The following RAD51B variants were observed in gnomAD, a reference collection of about 807,000 sequenced individuals.
RAD51B encodes the protein RAD51 paralog B, also known as DNA repair protein RAD51 homolog 2.
A neutral mutation model predicts 42.2 loss-of-function variants in RAD51B; 38 were observed. The ratio of observed to expected loss-of-function variants is 0.90; its 90% CI spans 0.70 to 1.18. The LOEUF is 1.18. Ranked by LOEUF, RAD51B falls within the 50% of genes most tolerant of loss-of-function variation. The pLI is 0.00. For missense variants in RAD51B, 373 were observed against 400.7 expected (o/e 0.93, Z 0.59); for synonymous variants, 154 against 145.2 (o/e 1.06, Z -0.43).
At chr14:68,596,359 G>A (rs774121995), downstream of RAD51B, among the ~76,000 whole-genome samples, 23 of 152,194 alleles carry the variant, frequency 1.5e-4, no homozygotes, top group Middle Eastern at 6.8e-3. Context: ...ACAGCTGCTC[G>A]GTGGGTTTTC....
chr14:68,277,357 GA>G (rs2081244502), intron 7 of RAD51B, among the ~76,000 whole-genome samples: 1 of 152,184 alleles, frequency 6.6e-6, no homozygotes, highest in South Asian at 2.1e-4. Context: ...CCTTATTTCA[GA>G]AAGCCAGTAA....
chr14:68,406,531 T>G lies in RAD51B; in HGVS notation c.854-4893T>G, dbSNP rs188005484. ...TTACTATGACTGCAGCTTATAGGAC[T>G]GGAGTTGCTCTGGGTCCGTTGGTGA... On this transcript the variant is annotated intron_variant, in intron 8 of 10. Transcript: ENST00000471583. 2.6e-5 allele frequency among the ~76,000 whole-genome samples: 4 copies of G among 152,316 alleles called. No individual in the cohort carries two copies. In the East Asian group the frequency reaches 5.8e-4, roughly 22 times the overall value.
At position 68,291,901 on chromosome 14, in the gene RAD51B, G is replaced by T. The variant is rs797007506; in HGVS notation, c.774G>T (p.Gln258His). The T allele has an allele frequency of 6.2e-7, 1 of 1,613,658 alleles. No homozygotes were observed. The highest frequency in any genetic ancestry group is 8.5e-7 in the Non-Finnish European group (1 of 1,179,680). ...GTTCACAGGTTATCTTGACGAATCAGATTACAACCCATCTGAGTGGAGCCC... is the reference window on the plus strand; with the variant it reads ...GTTCACAGGTTATCTTGACGAATCATATTACAACCCATCTGAGTGGAGCCC... Reference protein sequence around the residue: ...EFSIPVILTNQITTHLSGALA... With the variant: ...EFSIPVILTNHITTHLSGALA... The change falls in exon 8 of 11, where the codon CAG (glutamine) becomes CAT (histidine). Residue 258 changes from glutamine (Q) to histidine (H), a missense_variant. Transcript: ENST00000471583.
intron 7 of RAD51B, among the ~76,000 whole-genome samples, chr14:68,201,175 A>G (rs2079477792): frequency 6.6e-6 from 1 of 152,154 alleles, no homozygotes; most frequent in Admixed American, 6.6e-5. Flanking sequence ...TTTCTCAAGT[A>G]CTGTTACACA....
At chr14:67,946,454 C>T (rs946336489) in intron 7 of RAD51B, among the ~76,000 whole-genome samples, 7 of 152,112 alleles carry the variant, frequency 4.6e-5, no homozygotes, top group Middle Eastern at 6.8e-3. Context: ...CTGCAACCTC[C>T]GCCTCCCCAG....
intron 7 of RAD51B, among the ~76,000 whole-genome samples, chr14:68,116,260 T>C (rs2140608867): frequency 6.6e-6 from 1 of 151,094 alleles, no homozygotes; most frequent in East Asian, 2.0e-4. Flanking sequence ...AGACTAACAG[T>C]AAGACCAACA....
At chr14:68,469,006 C>T (rs2086055592) in intron 10 of RAD51B, 1 of 403,902 alleles carries the variant, frequency 2.5e-6, no homozygotes, top group African/African-American at 2.0e-5. Context: ...AGAGTCAGCC[C>T]ACAATGTCAG....
At chr14:68,054,121 G>A (rs1380449045) in intron 7 of RAD51B, among the ~76,000 whole-genome samples, 1 of 152,092 alleles carries the variant, frequency 6.6e-6, no homozygotes, top group Non-Finnish European at 1.5e-5. Context: ...TCAAAACCAG[G>A]AAATTAACAT....
intron 7 of RAD51B, among the ~76,000 whole-genome samples, chr14:68,248,626 A>G (rs889501397): frequency 1.3e-5 from 2 of 151,834 alleles, no homozygotes; most frequent in South Asian, 2.1e-4. Flanking sequence ...GTTTCTCACT[A>G]CTCTGGGGAG....
At chr14:68,631,873 C>A (rs1454191004) in intron 10 of RAD51B, among the ~76,000 whole-genome samples, 2 of 152,208 alleles carry the variant, frequency 1.3e-5, no homozygotes, top group Admixed American at 6.5e-5. Flanking sequence ...TTGCTCTGTC[C>A]ACACTGTATA....
intron 8 of RAD51B, among the ~76,000 whole-genome samples, chr14:68,335,395 C>T (rs7493547): frequency 0.66 from 100,569 of 151,460 alleles, 33,836 homozygotes; most frequent in Non-Finnish European, 0.73. Context: ...ATTAAAAAAG[C>T]AGATAGCCAC....
At chr14:68,545,941 C>T (rs1391016534) in intron 10 of RAD51B, among the ~76,000 whole-genome samples, 1 of 152,104 alleles carries the variant, frequency 6.6e-6, no homozygotes, top group Admixed American at 6.5e-5. Flanking sequence ...CCTGCCCCAC[C>T]CCATTATTTC....
intron 7 of RAD51B, among the ~76,000 whole-genome samples, chr14:68,097,359 GTT>G (rs1011316193): frequency 2.0e-5 from 3 of 151,954 alleles, no homozygotes; most frequent in African/African-American, 7.3e-5. Flanking sequence ...CCATGTAGAA[GTT>G]TTTGAACATT....
At chr14:68,595,512 G>A in exon 11 of RAD51B, 1 of 1,066,640 alleles carries the variant, frequency 9.4e-7, no homozygotes. Flanking sequence ...TGTGTTTGGA[G>A]CAAGGGTTGT....
At chr14:68,668,753 A>G (rs1391484148) in intron 11 of RAD51B, among the ~76,000 whole-genome samples, 1 of 152,222 alleles carries the variant, frequency 6.6e-6, no homozygotes, top group Non-Finnish European at 1.5e-5. Flanking sequence ...CTGATCCGTG[A>G]CATCTCTCCC....
chr14:68,628,382 G>T (rs2273485), intron 10 of RAD51B: 20,440 of 152,248 alleles, frequency 0.13, 1,530 homozygotes, highest in East Asian at 0.2. Context: ...GAACCCGAGC[G>T]CACAGGTCGC....
intron 10 of RAD51B, among the ~76,000 whole-genome samples, chr14:68,560,555 G>A (rs1403697450): frequency 6.6e-6 from 1 of 152,080 alleles, no homozygotes; most frequent in Non-Finnish European, 1.5e-5. Context: ...GGCCAACATG[G>A]TGAAACCCCA....
intron 10 of RAD51B, among the ~76,000 whole-genome samples, chr14:68,486,561 T>C (rs971405903): frequency 1.3e-5 from 2 of 152,214 alleles, no homozygotes; most frequent in Non-Finnish European, 2.9e-5. Flanking sequence ...ACGACCTATC[T>C]TTGTGTCAAT....
chr14:68,471,793 T>A (rs1703731708), intron 10 of RAD51B, among the ~76,000 whole-genome samples: 1 of 151,872 alleles, frequency 6.6e-6, no homozygotes, highest in East Asian at 1.9e-4. Context: ...GGTAATACCA[T>A]CCTGTTTGCA....
Sources: gnomAD v4.1 joint callset for allele counts (sites outside exome capture counted in the v4.1 genomes callset) on GRCh38, gnomAD v4.1.1 for gene constraint, MANE v1.5 for transcripts, NCBI Gene and HGNC (gene_info 2026-07-23, HGNC 2026-07-21) for gene names.